The following SACM1L variants were observed in gnomAD, a reference collection of about 807,000 sequenced individuals.
SACM1L encodes the protein phosphatidylinositol-3-phosphatase SAC1.
In SACM1L, 32 loss-of-function variants were observed where a neutral mutation model predicts 89.5. The ratio of observed to expected loss-of-function variants is 0.36; its 90% CI spans 0.27 to 0.48. The LOEUF (loss-of-function observed/expected upper bound fraction) is 0.48, where lower values mean the gene tolerates loss of function less well. Ranked by LOEUF, SACM1L falls within the 20% of genes least tolerant of loss-of-function variation. The probability of loss-of-function intolerance (pLI) is 0.99; values close to 1 mark genes in which losing one functional copy is unlikely to be tolerated. For synonymous variants in SACM1L, 213 were observed against 232.8 expected (o/e 0.92, Z 0.77); for missense variants, 543 against 708.5 (o/e 0.77, Z 2.65).
intron 12 of SACM1L, among the ~76,000 whole-genome samples, 157 bp from the exon 13 acceptor site, chr3:45,731,896 T>C (rs1443651397): frequency 6.6e-6 from 1 of 152,188 alleles, no homozygotes; most frequent in East Asian, 1.9e-4. Flanking sequence ...GCATGTAGTA[T>C]ATGTATAGTG....
intron 19 of SACM1L, 80 bp from the exon 20 acceptor site, chr3:45,743,453 C>CA: frequency 6.9e-7 from 1 of 1,446,602 alleles, no homozygotes; most frequent in East Asian, 2.3e-5. Context: ...TTAATGTTGC[C>CA]AAAATGTGCT....
At chr3:45,705,596 G>A (rs527746524) in intron 3 of SACM1L, among the ~76,000 whole-genome samples, 58 of 146,686 alleles carry the variant, frequency 4.0e-4, no homozygotes, top group Admixed American at 1.5e-3. Flanking sequence ...TCCGCCTCCC[G>A]GGTTCAAGTG....
At chr3:45,689,902 T>C in intron 1 of SACM1L, 1 of 245,766 alleles carries the variant, frequency 4.1e-6, no homozygotes, top group Non-Finnish European at 7.9e-6. Flanking sequence ...ACAGCAGCAA[T>C]TTAGAGTCTA....
intron 11 of SACM1L, 25 bp downstream of exon 11, chr3:45,723,568 G>T: frequency 1.6e-6 from 2 of 1,276,396 alleles, no homozygotes; most frequent in South Asian, 1.7e-5. Context: ...TTTCTTGGGG[G>T]GAAAAAAAAG....
chr3:45,721,952 T>G, intron 8 of SACM1L, 48 bp from the exon 9 acceptor site: 1 of 1,297,910 alleles, frequency 7.7e-7, no homozygotes, highest in Middle Eastern at 1.8e-4. Flanking sequence ...TCTGATGTGT[T>G]TCTTTGTGTA....
At chr3:45,712,231 G>A (rs764692873) in intron 5 of SACM1L, among the ~76,000 whole-genome samples, 5 of 151,996 alleles carry the variant, frequency 3.3e-5, no homozygotes, top group Non-Finnish European at 7.4e-5. Context: ...CTACTGAGTA[G>A]AGTCAGTTAT....
At chr3:45,738,020 T>TA (rs1699240320) in intron 16 of SACM1L, among the ~76,000 whole-genome samples, 176 bp downstream of exon 16, 3 of 152,152 alleles carry the variant, frequency 2.0e-5, no homozygotes, top group Admixed American at 2.0e-4. Context: ...CGGGTACTGG[T>TA]GTGTTCTTAG....
At position 45,722,945 on chromosome 3, in the gene SACM1L, T is replaced by A. The variant is rs759014418; in HGVS notation, c.842T>A (p.Val281Glu). ...AAACCACTGCCACAGATCAGCAAAG[T>A]AGCAAATCACGTGTGTATCTTGCAT... Reference protein sequence around the residue: ...KYKPLPQISKVANHMDGFQRH... With the variant: ...KYKPLPQISKEANHMDGFQRH... The change falls in exon 10 of 20, where the codon GTA becomes GAA. Residue 281 changes from valine (V) to glutamate (E), a missense_variant. Val to Glu is a moderately radical substitution (Grantham distance 121, BLOSUM62 -2). This residue lies in a region of SACM1L where 370 missense variants were observed against 527.6 expected (regional missense o/e 0.70). Coordinates refer to ENST00000389061, the MANE Select transcript of SACM1L (RefSeq NM_014016.5). 6.2e-7 allele frequency: 1 copy of A among 1,613,070 alleles called. No individual in the cohort carries two copies. The highest frequency in any genetic ancestry group is 8.5e-7 in the Non-Finnish European group (1 of 1,179,198).
rs537186906 is a variant in SACM1L, at chr3:45,731,795, T to C, written c.1002-258T>C. Among the ~76,000 whole-genome samples the C allele has an allele frequency of 3.3e-5, 5 of 152,352 alleles. No homozygotes were observed. In the South Asian group the frequency reaches 8.3e-4, roughly 25 times the overall value. ...CCAGAAGAACCTGTGAGGATAGATA[T>C]ATATGCATATATTTTCATGTTTATA... On this transcript the variant is annotated intron_variant, in intron 12 of 19. Transcript: ENST00000389061.
chr3:45,709,961 CAAGTGCT>C (rs1415370365), intron 5 of SACM1L, among the ~76,000 whole-genome samples: 2 of 152,254 alleles, frequency 1.3e-5, no homozygotes, highest in East Asian at 3.9e-4. Context: ...ACCAGGCTAC[CAAGTGCT>C]AACTCTCAGA....
intron 18 of SACM1L, 40 bp from the exon 19 acceptor site, chr3:45,739,547 G>A (rs1699272107): frequency 1.3e-6 from 2 of 1,595,104 alleles, no homozygotes; most frequent in South Asian, 2.2e-5. Flanking sequence ...CCATTGATTA[G>A]CATTCTTAAA....
At chr3:45,715,781 A>G (rs1698641234) in intron 7 of SACM1L, among the ~76,000 whole-genome samples, 1 of 152,156 alleles carries the variant, frequency 6.6e-6, no homozygotes, top group Admixed American at 6.5e-5. Flanking sequence ...CTCAAAAAAA[A>G]AAAAAAAGTG....
intron 8 of SACM1L, among the ~76,000 whole-genome samples, chr3:45,721,482 A>G (rs1698785680): frequency 6.6e-6 from 1 of 152,264 alleles, no homozygotes; most frequent in Admixed American, 6.5e-5. Context: ...AGATTATGCC[A>G]TTGCACTCCA....
intron 5 of SACM1L, among the ~76,000 whole-genome samples, chr3:45,711,426 G>C (rs748306303): frequency 3.9e-5 from 6 of 151,964 alleles, no homozygotes; most frequent in Non-Finnish European, 8.8e-5. Flanking sequence ...CATGAGTTCA[G>C]GACCAGCCTG....
rs1699387565 is a variant in SACM1L, at chr3:45,744,660, C to T, written c.*991C>T. 1 of 152,584 alleles carries T rather than the reference C, an allele frequency of 6.6e-6. No individual in the cohort carries two copies. Among genetic ancestry groups the T allele is most frequent in the African/African-American group, 2.4e-5 (1 of 41,414 alleles). 9.5% of individuals were successfully genotyped at this position (152,584 alleles called of 1,614,324 possible). On this transcript the variant is annotated 3_prime_UTR_variant, in exon 20 of 20. Transcript: ENST00000389061. ...TGAATGTGTCTAAAACTTAGTGCTT[C>T]CAGGTAGTTATAGTACTCCAAATCA... is the stretch of plus-strand genomic sequence containing the variant.
At chr3:45,711,677 C>G (rs566867855) in intron 5 of SACM1L, among the ~76,000 whole-genome samples, 1 of 152,166 alleles carries the variant, frequency 6.6e-6, no homozygotes, top group African/African-American at 2.4e-5. Flanking sequence ...CATATATACC[C>G]TAAATATTTT....
chr3:45,692,052 C>T (rs762874091), intron 1 of SACM1L, among the ~76,000 whole-genome samples: 3 of 152,220 alleles, frequency 2.0e-5, no homozygotes, highest in East Asian at 1.9e-4. Flanking sequence ...GGCTCATCCC[C>T]TTCTAGCTTC....
In SACM1L at chr3:45,719,550, C is replaced by T; in HGVS notation, c.628C>T (p.Leu210Phe). The T allele has an allele frequency of 6.2e-7, 1 of 1,612,444 alleles. No homozygotes were observed. Among genetic ancestry groups the T allele is most frequent in the Non-Finnish European group, 8.5e-7 (1 of 1,179,238 alleles). Residue 210 changes from leucine to phenylalanine, a missense_variant, in exon 8 of 20, where the codon CTC (leucine) becomes TTC (phenylalanine). Physicochemically the swap from Leu to Phe is conservative, Grantham distance 22. Coordinates refer to ENST00000389061, the MANE Select transcript of SACM1L (RefSeq NM_014016.5). ...SINGKYFDWI[L>F]ISRRSCFRAG... ...TAATGGAAAATACTTTGATTGGATT[C>T]TCATCTCGAGGAGGAGCTGTTTCAG...
intron 16 of SACM1L, 65 bp downstream of exon 16, chr3:45,737,909 C>G (rs1401740306): frequency 7.5e-7 from 1 of 1,332,762 alleles, no homozygotes; most frequent in African/African-American, 1.5e-5. Context: ...TTTTAAAAAT[C>G]ACCTGGGCAG....
Sources: gnomAD v4.1 joint callset for allele counts (sites outside exome capture counted in the v4.1 genomes callset) on GRCh38, gnomAD v4.1.1 for gene constraint, gnomAD v4.1.1 regional missense constraint, MANE v1.5 for transcripts, NCBI Gene and HGNC (gene_info 2026-07-23, HGNC 2026-07-21) for gene names.